The following ZNF782 variants were observed in gnomAD, a reference collection of about 807,000 sequenced individuals.
The protein encoded by ZNF782 is zinc finger protein 782.
ZNF782 carries 12 observed loss-of-function variants against 13.0 expected under a neutral mutation model. That is an observed-to-expected ratio of 0.92 (90% confidence interval 0.59 to 1.50). ZNF782 has a LOEUF of 1.50. Ranked by LOEUF, ZNF782 falls within the 40% of genes most tolerant of loss-of-function variation. The pLI, the probability that ZNF782 is intolerant of heterozygous loss-of-function variation, is 0.00. For synonymous variants in ZNF782, 284 were observed against 283.0 expected (o/e 1.00, Z -0.04); for missense variants, 770 against 822.9 (o/e 0.94, Z 0.79).
the ZNF782 span, chr9:96,902,779 T>TTTTTTATTATTA: frequency 7.2e-6 from 1 of 138,816 alleles, no homozygotes; most frequent in African/African-American, 2.7e-5. Context: ...GTTCTATCAG[T>TTTTTTATTATTA]TTATTATTAT....
chr9:96,926,802 T>C, the ZNF782 span, among the ~76,000 whole-genome samples: 4 of 152,294 alleles, frequency 2.6e-5, no homozygotes, highest in South Asian at 8.3e-4. Flanking sequence ...AGTCCAAATG[T>C]CTTCGAAAGG....
the ZNF782 span, among the ~76,000 whole-genome samples, chr9:96,899,600 T>C: frequency 2.0e-5 from 3 of 152,192 alleles, no homozygotes; most frequent in Admixed American, 6.5e-5. Flanking sequence ...AATCCAAGGT[T>C]AAGGGACTGC....
the ZNF782 span, among the ~76,000 whole-genome samples, chr9:96,912,557 C>T: frequency 6.6e-6 from 1 of 150,818 alleles, no homozygotes; most frequent in Non-Finnish European, 1.5e-5. Flanking sequence ...GAGATGGAGT[C>T]TCGCTCTGTT....
the ZNF782 span, chr9:96,918,832 T>C: frequency 1.2e-5 from 2 of 170,984 alleles, no homozygotes; most frequent in Non-Finnish European, 2.5e-5. Context: ...AACTTCTGTA[T>C]TGAGACAAAG....
At chr9:96,889,103 G>C in the ZNF782 span, 4 of 152,152 alleles carry the variant, frequency 2.6e-5, no homozygotes, top group Admixed American at 6.5e-5. Flanking sequence ...CGCAAAGCAG[G>C]AATTTCTCTA....
chr9:96,896,498 CT>C, the ZNF782 span, among the ~76,000 whole-genome samples: 2 of 152,164 alleles, frequency 1.3e-5, no homozygotes, highest in African/African-American at 4.8e-5. Flanking sequence ...ATTCAAGGGC[CT>C]TTCACTTCAG....
chr9:96,913,865 G>C, the ZNF782 span, among the ~76,000 whole-genome samples: 3 of 149,910 alleles, frequency 2.0e-5, no homozygotes, highest in Admixed American at 1.3e-4. Flanking sequence ...AATGGAGCTA[G>C]TGCAATGGTG....
chr9:96,852,760 A>T (rs143320782), intron 2 of ZNF782, 93 bp downstream of exon 2: 9 of 152,802 alleles, frequency 5.9e-5, no homozygotes, highest in Admixed American at 5.2e-4. Flanking sequence ...CTTATAAAAG[A>T]GATGAGATAC....
chr9:96,849,580 G>A (rs77195923), intron 3 of ZNF782, among the ~76,000 whole-genome samples: 18,430 of 152,152 alleles, frequency 0.12, 3,023 homozygotes, highest in African/African-American at 0.38. Flanking sequence ...ACAACATTTG[G>A]AAAACTCTTC....
chr9:96,877,432 G>C (rs1851907308), upstream of ZNF782, among the ~76,000 whole-genome samples: 1 of 152,252 alleles, frequency 6.6e-6, no homozygotes, highest in Admixed American at 6.5e-5. Flanking sequence ...GCTTAGCGGG[G>C]CGAAGCCGCC....
rs1850184818 is a variant in ZNF782, at chr9:96,816,741, G to A, written c.*1182C>T. 1 of 152,152 alleles carries A rather than the reference G, an allele frequency of 6.6e-6. No homozygotes were observed. The highest frequency in any genetic ancestry group is 2.4e-5 in the African/African-American group (1 of 41,426). 9.4% of individuals were successfully genotyped at this position (152,152 alleles called of 1,614,324 possible). On this transcript the variant is annotated 3_prime_UTR_variant, in exon 6 of 6. Coordinates refer to ENST00000481138, the MANE Select transcript of ZNF782 (RefSeq NM_001001662.3). Reference sequence around the variant, plus strand: ...AATGAGACTTTGGGTGTGTATGTGTGAGTGTGTGTCTGTGTGTGTGAAGAA... The same window carrying A: ...AATGAGACTTTGGGTGTGTATGTGTAAGTGTGTGTCTGTGTGTGTGAAGAA...
At chr9:96,897,610 G>A in the ZNF782 span, among the ~76,000 whole-genome samples, 4 of 151,126 alleles carry the variant, frequency 2.6e-5, no homozygotes, top group African/African-American at 4.9e-5. Context: ...TCTATGTAAC[G>A]TGTCTAGCCC....
the ZNF782 span, among the ~76,000 whole-genome samples, chr9:96,911,919 G>A: frequency 3.3e-5 from 5 of 152,120 alleles, no homozygotes; most frequent in Admixed American, 6.6e-5. Context: ...TAAAAAGGCC[G>A]GCTGGCATGG....
intron 5 of ZNF782, among the ~76,000 whole-genome samples, chr9:96,826,024 T>C (rs1348010143): frequency 1.3e-5 from 2 of 152,198 alleles, no homozygotes; most frequent in African/African-American, 4.8e-5. Context: ...AGAAATACCA[T>C]TTGAGCCAGC....
At chr9:96,913,363 C>G in the ZNF782 span, among the ~76,000 whole-genome samples, 3 of 151,760 alleles carry the variant, frequency 2.0e-5, no homozygotes, top group Non-Finnish European at 2.9e-5. Context: ...TCAGACCTTC[C>G]CCTAACACTT....
the ZNF782 span, among the ~76,000 whole-genome samples, chr9:96,883,957 T>G: frequency 6.6e-6 from 1 of 152,184 alleles, no homozygotes; most frequent in Admixed American, 6.5e-5. Flanking sequence ...AAGAAAAGTG[T>G]GTTCTCTTTA....
upstream of ZNF782, chr9:96,875,685 G>GACC: frequency 2.3e-6 from 1 of 443,852 alleles, no homozygotes; most frequent in South Asian, 1.6e-5. Context: ...TAGCGTGAGG[G>GACC]GGTCGATCCT....
the ZNF782 span, among the ~76,000 whole-genome samples, chr9:96,906,837 AG>A: frequency 3.3e-5 from 5 of 152,412 alleles, no homozygotes; most frequent in African/African-American, 1.2e-4. Context: ...TAGGGCCAAA[AG>A]TCCCAACCGT....
the ZNF782 span, among the ~76,000 whole-genome samples, chr9:96,911,511 TTTTTGTTTTGTTTTG>T: frequency 7.0e-6 from 1 of 142,662 alleles, no homozygotes; most frequent in Non-Finnish European, 1.5e-5. Context: ...TTTTTTTTTG[TTTTTGTTTTGTTTTG>T]TTTTTTTTTT....
Sources: gnomAD v4.1 joint callset for allele counts (sites outside exome capture counted in the v4.1 genomes callset) on GRCh38, gnomAD v4.1.1 for gene constraint, MANE v1.5 for transcripts, NCBI Gene and HGNC (gene_info 2026-07-23, HGNC 2026-07-21) for gene names.